Variants in INO80 observed in about 807,000 individuals in gnomAD.
INO80 encodes the protein chromatin-remodeling ATPase INO80.
In INO80, 20 loss-of-function variants were observed where a neutral mutation model predicts 203.4. The ratio of observed to expected loss-of-function variants is 0.10; its 90% CI spans 0.07 to 0.14. INO80 has a LOEUF of 0.14. Ranked by LOEUF, INO80 falls within the 10% of genes least tolerant of loss-of-function variation. INO80 has a pLI of 1.00. For missense variants in INO80, 1,419 were observed against 1,914.4 expected, an observed-to-expected ratio of 0.74 and a Z score of 4.83; for synonymous variants, 726 against 685.2, an observed-to-expected ratio of 1.06 and a Z score of -0.93.
intron 31 of INO80, among the ~76,000 whole-genome samples, chr15:40,985,737 C>T (rs1352508093): frequency 6.6e-6 from 1 of 152,048 alleles, no homozygotes; most frequent in African/African-American, 2.4e-5. Flanking sequence ...TAGTGAAACC[C>T]CATCTCTATA....
chr15:41,004,856 A>T (rs1404293652), intron 28 of INO80: 1 of 152,228 alleles, frequency 6.6e-6, no homozygotes, highest in Non-Finnish European at 1.5e-5. Context: ...ATACAAAATG[A>T]AACACAGAAA....
chr15:41,078,194 G>C (rs550477169), intron 9 of INO80, among the ~76,000 whole-genome samples: 1 of 151,952 alleles, frequency 6.6e-6, no homozygotes, highest in Non-Finnish European at 1.5e-5. Flanking sequence ...CACCGCGCCC[G>C]GCCAAGAATA....
At chr15:41,114,437 G>C (rs541032157) in intron 1 of INO80, among the ~76,000 whole-genome samples, 1 of 152,118 alleles carries the variant, frequency 6.6e-6, no homozygotes, top group East Asian at 1.9e-4. Context: ...GGCCATGTGC[G>C]GTGGCTCATG....
In INO80 at chr15:41,055,307, T is replaced by C; in HGVS notation, c.2128A>G (p.Asn710Asp). 2.5e-6 allele frequency: 4 copies of C among 1,613,438 alleles called. No homozygotes were observed. Among genetic ancestry groups the C allele is most frequent in the Non-Finnish European group, 3.4e-6 (4 of 1,179,704 alleles). ...PTLFDSHEEF[N>D]EWFSKDIESH... is the part of the protein sequence containing the mutation. ...TCAATGTCCTTGGAAAACCATTCATTAAATTCCTCATGTGAATCAAATAAT... is the reference window on the plus strand; with the variant it reads ...TCAATGTCCTTGGAAAACCATTCATCAAATTCCTCATGTGAATCAAATAAT... Residue 710 changes from asparagine (N) to aspartate (D), a missense_variant, in exon 18 of 36, where the codon AAT becomes GAT. By Grantham distance (23) the Asn-to-Asp change is conservative. Coordinates refer to ENST00000648947, the MANE Select transcript of INO80 (RefSeq NM_017553.3).
chr15:41,028,831 G>A (rs1269528773), intron 24 of INO80, among the ~76,000 whole-genome samples: 2 of 152,072 alleles, frequency 1.3e-5, no homozygotes, highest in Non-Finnish European at 2.9e-5. Flanking sequence ...ACTCCAGCTG[G>A]GTGAAAGAGT....
At chr15:41,055,155 G>T in intron 18 of INO80, 92 bp downstream of exon 18, 2 of 683,540 alleles carry the variant, frequency 2.9e-6, no homozygotes, top group South Asian at 2.3e-5. Flanking sequence ...ATGTATACTG[G>T]AAGAAAAATT....
Position 40,988,115 on chromosome 15 carries a change from A to G in INO80, c.3571-141T>C. ...TATGATATTGAGCTAAGTAAGATACATCTTAGAAGATACAAAGCCGTTCCT... is the reference window on the plus strand; with the variant it reads ...TATGATATTGAGCTAAGTAAGATACGTCTTAGAAGATACAAAGCCGTTCCT... On this transcript the variant is annotated intron_variant, in intron 29 of 35. Coordinates refer to ENST00000648947, the MANE Select transcript of INO80 (RefSeq NM_017553.3). 8.4e-6 allele frequency: 5 copies of G among 595,446 alleles called. No homozygotes were observed. In the South Asian group the frequency reaches 1.1e-4, roughly 13 times the overall value. The allele number at this position is 595,446 out of a possible 1,614,324, so 36.9% of individuals were successfully genotyped here.
At chr15:41,066,846 C>CAAAAAAAAAAAAAAAAAG (rs58118605) in intron 14 of INO80, among the ~76,000 whole-genome samples, 1 of 70,622 alleles carries the variant, frequency 1.4e-5, no homozygotes, top group African/African-American at 4.2e-5. Flanking sequence ...AAAAAAAAAG[C>CAAAAAAAAAAAAAAAAAG]AAAAAAAAAA....
At chr15:41,059,758 A>G in intron 15 of INO80, 109 bp downstream of exon 15, 1 of 686,936 alleles carries the variant, frequency 1.5e-6, no homozygotes, top group Non-Finnish European at 2.4e-6. Flanking sequence ...GTGTCCAGAA[A>G]TATATAATAG....
At position 40,987,801 on chromosome 15, in the gene INO80, T is replaced by C. The variant is rs778580748; in HGVS notation, c.3729+15A>G. ...TTGCTCCACCAGTGTAGGAATTTCT[T>C]TCTCTTGTGCTTACCTCACTCTTCT... On this transcript the variant is annotated intron_variant, in intron 30 of 35. Coordinates refer to ENST00000648947, the MANE Select transcript of INO80 (RefSeq NM_017553.3). 1.2e-6 allele frequency: 2 copies of C among 1,607,012 alleles called. No individual in the cohort carries two copies. Among genetic ancestry groups the C allele is most frequent in the South Asian group, 2.2e-5 (2 of 90,340 alleles).
chr15:41,095,712 G>GC, intron 3 of INO80, 44 bp from the exon 4 acceptor site: 1 of 1,605,800 alleles, frequency 6.2e-7, no homozygotes, highest in Non-Finnish European at 8.5e-7. Context: ...AAGGATGACT[G>GC]CCCCAAGATA....
At chr15:41,070,435 G>A in intron 13 of INO80, 32 bp downstream of exon 13, 1 of 1,568,740 alleles carries the variant, frequency 6.4e-7, no homozygotes, top group Non-Finnish European at 8.8e-7. Flanking sequence ...AAATTCTAGA[G>A]AAATGAAGAT....
At position 40,979,144 on chromosome 15, in the gene INO80, G is replaced by A. The variant is rs1045639817; in HGVS notation, c.*1079C>T. On this transcript the variant is annotated 3_prime_UTR_variant, in exon 36 of 36. Coordinates refer to ENST00000648947, the MANE Select transcript of INO80 (RefSeq NM_017553.3). ...AAAAAGTTTTAAAAATCAATCTATC[G>A]AAACTCAATTCCGCGATTTTCAGGT... 3 of 152,474 alleles carry A rather than the reference G, an allele frequency of 2.0e-5. No homozygotes were observed. Among genetic ancestry groups the A allele is most frequent in the African/African-American group, 7.2e-5 (3 of 41,398 alleles). 9.4% of individuals were successfully genotyped at this position (152,474 alleles called of 1,614,324 possible). A position where few individuals can be genotyped will look rare whatever the true frequency, so the allele number is the denominator to read the frequency against.
chr15:41,088,118 GT>G, intron 5 of INO80, among the ~76,000 whole-genome samples: 1 of 128,060 alleles, frequency 7.8e-6, no homozygotes, highest in Non-Finnish European at 1.6e-5. Flanking sequence ...TTGAGACAGA[GT>G]CTTGCTCTGT....
intron 14 of INO80, among the ~76,000 whole-genome samples, chr15:41,067,167 C>G (rs1033556943): frequency 5.9e-5 from 9 of 152,056 alleles, no homozygotes; most frequent in African/African-American, 2.2e-4. Flanking sequence ...AACTCTGCCC[C>G]CCGGGTTCAA....
At chr15:41,001,247 C>G (rs1566905775) in intron 28 of INO80, among the ~76,000 whole-genome samples, 2 of 152,138 alleles carry the variant, frequency 1.3e-5, no homozygotes, top group African/African-American at 2.4e-5. Flanking sequence ...AACTCAGGGT[C>G]TCTTAGAACA....
intron 16 of INO80, among the ~76,000 whole-genome samples, chr15:41,057,797 C>CA (rs35197370): frequency 0.024 from 674 of 28,606 alleles, 11 homozygotes; most frequent in East Asian, 0.06. Flanking sequence ...AACTACATCT[C>CA]AAAAAAAAAA....
intron 7 of INO80, among the ~76,000 whole-genome samples, chr15:41,081,316 GA>G (rs1377327871): frequency 6.6e-6 from 1 of 152,152 alleles, no homozygotes; most frequent in Non-Finnish European, 1.5e-5. Flanking sequence ...ATACTTTTGG[GA>G]AGATGTTAAG....
chr15:41,116,011 G>A lies in INO80; in HGVS notation c.-82C>T. ...GCCCCGCCGCCGCGACGGCGGCGGA[G>A]GGGGGGCGGGGTGCGGGCGGGGTCC... On this transcript the variant is annotated 5_prime_UTR_variant, in exon 1 of 36. Transcript: ENST00000648947. The A allele has an allele frequency of 5.1e-6, 2 of 390,824 alleles. No individual in the cohort carries two copies. Among genetic ancestry groups the A allele is most frequent in the Middle Eastern group, 6.5e-4 (1 of 1,550 alleles). The allele number at this position is 390,824 out of a possible 1,614,324, so 24.2% of individuals were successfully genotyped here.
Sources: gnomAD v4.1 joint callset for allele counts (sites outside exome capture counted in the v4.1 genomes callset) on GRCh38, gnomAD v4.1.1 for gene constraint, MANE v1.5 for transcripts, NCBI Gene and HGNC (gene_info 2026-07-23, HGNC 2026-07-21) for gene names.